The following VPS37C variants were observed in gnomAD, a reference collection of about 807,000 sequenced individuals.
The protein encoded by VPS37C is VPS37C subunit of ESCRT-I, also known as vacuolar protein sorting-associated protein 37C.
Under a neutral mutation model 16.1 loss-of-function variants are expected in VPS37C, and 9 were observed. The observed-to-expected ratio is 0.56, with a 90% confidence interval of 0.34 to 0.97. The LOEUF is 0.97. VPS37C is among the 50% of genes least tolerant of loss of function. The pLI is 0.02. For missense variants in VPS37C, 479 were observed against 472.7 expected (o/e 1.01, Z -0.12); for synonymous variants, 207 against 206.4 (o/e 1.00, Z -0.02).
intron 1 of VPS37C, among the ~76,000 whole-genome samples, chr11:61,158,087 T>C (rs1273869158): frequency 6.6e-6 from 1 of 152,224 alleles, no homozygotes; most frequent in African/African-American, 2.4e-5. Flanking sequence ...TCTCTTTTCT[T>C]TATAAATTAT....
intron 1 of VPS37C, among the ~76,000 whole-genome samples, chr11:61,159,278 C>T (rs1427125715): frequency 1.3e-5 from 2 of 152,190 alleles, no homozygotes; most frequent in Non-Finnish European, 2.9e-5. Context: ...CAGTGTTTCC[C>T]AAACTTGCCT....
At chr11:61,159,731 T>TAAA (rs1377853607) in intron 1 of VPS37C, among the ~76,000 whole-genome samples, 10 of 62,098 alleles carry the variant, frequency 1.6e-4, no homozygotes, top group South Asian at 7.6e-4. Context: ...AATAAATAAA[T>TAAA]AAATAAATAA....
rs571525328 is a variant in VPS37C, at chr11:61,131,879, C to T, written c.1009G>A (p.Gly337Arg). Residue 337 changes from glycine to arginine, a missense_variant, in exon 5 of 5, where the codon GGG becomes AGG. Physicochemically the swap from Gly to Arg is moderately radical, Grantham distance 125. Transcript: ENST00000301765. ...SVPLQPPYPPGPAPPYGFPPP... is the reference protein window; with the variant it reads ...SVPLQPPYPPRPAPPYGFPPP... ...GGGAACCCATAGGGAGGGGCGGGCC[C>T]GGGGGGATAAGGGGGCTGCAGGGGC... 18 of 812,684 alleles carry T rather than the reference C, an allele frequency of 2.2e-5. No homozygotes were observed. Among genetic ancestry groups the T allele is most frequent in the Middle Eastern group, 3.9e-4 (1 of 2,556 alleles). 50.3% of individuals were successfully genotyped at this position (812,684 alleles called of 1,614,324 possible).
chr11:61,151,123 C>T (rs968351026), intron 1 of VPS37C, among the ~76,000 whole-genome samples: 1 of 152,218 alleles, frequency 6.6e-6, no homozygotes. Context: ...ACGGCCCACG[C>T]GCCTCACTGT....
chr11:61,148,798 GCAAAAGTAGCTCACTT>G (rs878900299), intron 1 of VPS37C, among the ~76,000 whole-genome samples: 1 of 152,294 alleles, frequency 6.6e-6, no homozygotes, highest in Admixed American at 6.5e-5. Flanking sequence ...GTGCAGGGAC[GCAAAAGTAGCTCACTT>G]CACAGCCTCA....
chr11:61,158,320 G>A (rs1211646990), intron 1 of VPS37C, among the ~76,000 whole-genome samples: 3 of 152,086 alleles, frequency 2.0e-5, no homozygotes, highest in Non-Finnish European at 1.5e-5. Flanking sequence ...CTGAAAGAAC[G>A]GAAGACCAAA....
intron 1 of VPS37C, among the ~76,000 whole-genome samples, chr11:61,142,163 G>C (rs1278153343): frequency 6.6e-6 from 1 of 152,240 alleles, no homozygotes; most frequent in Non-Finnish European, 1.5e-5. Flanking sequence ...CAATGTTAAG[G>C]AGGACTCCAA....
chr11:61,143,069 C>T (rs1861501523), intron 1 of VPS37C, among the ~76,000 whole-genome samples: 1 of 151,572 alleles, frequency 6.6e-6, no homozygotes, highest in Non-Finnish European at 1.5e-5. Context: ...TCATCTAACC[C>T]CTTTGTGCCT....
rs768750144 is a variant in VPS37C at position 61,138,761 on chromosome 11, G to A, written c.69C>T (p.Asp23=). 19 of 1,614,014 alleles carry A rather than the reference G, an allele frequency of 1.2e-5. No individual in the cohort carries two copies. Among genetic ancestry groups the A allele is most frequent in the Admixed American group, 1.7e-5 (1 of 60,002 alleles). ...EELQNDSEAI[D]QLALESPEVQ... ...CCTCAGGGGACTCCAGGGCCAGCTG[G>A]TCAATCGCCTCCGAGTCATTCTGCA... Residue 23 remains aspartate (D), a synonymous_variant, in exon 2 of 5, where the codon GAC becomes GAT. Transcript: ENST00000301765.
chr11:61,152,512 A>G (rs1590793867), intron 1 of VPS37C, among the ~76,000 whole-genome samples: 1 of 151,670 alleles, frequency 6.6e-6, no homozygotes, highest in Admixed American at 6.6e-5. Context: ...CCTCTTCTAC[A>G]CCCCCCAGTA....
Position 61,132,315 on chromosome 11 carries a change from T to C in VPS37C, c.573A>G (p.Glu191=). ...PVPQGTPPVV[E]EQPQPPLAMP... ...TGGCTAATGGTGGCTGCGGCTGCTC[T>C]TCAACCACAGGGGGTGTTCCCTGGG... Residue 191 remains glutamate, a synonymous_variant, in exon 5 of 5, where the codon GAA becomes GAG. Transcript: ENST00000301765. 6.3e-7 allele frequency: 1 copy of C among 1,590,180 alleles called. No homozygotes were observed. The highest frequency in any genetic ancestry group is 8.6e-7 in the Non-Finnish European group (1 of 1,166,072).
chr11:61,131,704 G>GC lies in VPS37C; in HGVS notation c.*115dup. On this transcript the variant is annotated 3_prime_UTR_variant, in exon 5 of 5. Transcript: ENST00000301765. ...CCCTCCAAGGCCTCTGGGTGCCGAC[G>GC]CAAGTCCACAGGGAGCACCAACGCC... 8.2e-7 allele frequency: 1 copy of GC among 1,221,840 alleles called. No homozygotes were observed. Among genetic ancestry groups the GC allele is most frequent in the Non-Finnish European group, 1.0e-6 (1 of 979,030 alleles). 75.7% of individuals were successfully genotyped at this position (1,221,840 alleles called of 1,614,324 possible). A position where few individuals can be genotyped will look rare whatever the true frequency, so the allele number is the denominator to read the frequency against.
At chr11:61,138,964 CGAG>C in intron 1 of VPS37C, 129 bp from the exon 2 acceptor site, 4 of 821,628 alleles carry the variant, frequency 4.9e-6, no homozygotes, top group South Asian at 4.7e-5. Context: ...CCGGGAGGCT[CGAG>C]GAGAGGCAGA....
rs1861236578 is a variant in VPS37C at position 61,130,628 on chromosome 11, C to CAATAG, written c.*1191_*1192insCTATT. The CAATAG allele has an allele frequency of 3.4e-6, 1 of 292,182 alleles. No individual in the cohort carries two copies. Among genetic ancestry groups the CAATAG allele is most frequent in the African/African-American group, 2.4e-5 (1 of 42,456 alleles). 18.1% of individuals were successfully genotyped at this position (292,182 alleles called of 1,614,324 possible). On this transcript the variant is annotated 3_prime_UTR_variant, in exon 5 of 5. Coordinates refer to ENST00000301765, the MANE Select transcript of VPS37C (RefSeq NM_017966.5). Reference sequence around the variant, plus strand: ...CTGGAACAACCAAGTTAACACTCATCACACCCCCTTTGTCTATTGTATTCA... The same window carrying CAATAG: ...CTGGAACAACCAAGTTAACACTCATCAATAGACACCCCCTTTGTCTATTGTATTCA...
intron 1 of VPS37C, among the ~76,000 whole-genome samples, chr11:61,152,435 G>C (rs1370800343): frequency 6.6e-6 from 1 of 152,136 alleles, no homozygotes. Flanking sequence ...TGACCACACT[G>C]AGCTCTGGAC....
In VPS37C at chr11:61,132,655, C is replaced by A. The variant is rs1011242043; in HGVS notation, c.349-116G>T. 2.9e-6 allele frequency: 4 copies of A among 1,362,104 alleles called. No homozygotes were observed. The African/African-American group carries it at 5.8e-5, about 20-fold the overall frequency. 84.4% of individuals were successfully genotyped at this position (1,362,104 alleles called of 1,614,324 possible). ...CACCTCACGCCGCCTCAGGCACCCCCTCCTCTTCCCTGCCCATACGCCCCT... is the reference window on the plus strand; with the variant it reads ...CACCTCACGCCGCCTCAGGCACCCCATCCTCTTCCCTGCCCATACGCCCCT... On this transcript the variant is annotated intron_variant, in intron 4 of 4. Coordinates refer to ENST00000301765, the MANE Select transcript of VPS37C (RefSeq NM_017966.5).
intron 1 of VPS37C, among the ~76,000 whole-genome samples, chr11:61,149,820 C>A (rs746028802): frequency 6.6e-6 from 1 of 152,238 alleles, no homozygotes; most frequent in Non-Finnish European, 1.5e-5. Flanking sequence ...TCTGACCCCC[C>A]TTTGTCCAGA....
chr11:61,137,535 T>C (rs964303152), intron 2 of VPS37C, among the ~76,000 whole-genome samples: 12 of 152,220 alleles, frequency 7.9e-5, no homozygotes, highest in Non-Finnish European at 1.3e-4. Flanking sequence ...CATGGCACCA[T>C]GCTCACAGTG....
intron 1 of VPS37C, among the ~76,000 whole-genome samples, chr11:61,149,202 C>G (rs373331488): frequency 6.6e-6 from 1 of 152,168 alleles, no homozygotes; most frequent in Admixed American, 6.5e-5. Context: ...AGGAGAATGG[C>G]GTGAACCCAG....
Sources: gnomAD v4.1 joint callset for allele counts (sites outside exome capture counted in the v4.1 genomes callset) on GRCh38, gnomAD v4.1.1 for gene constraint, MANE v1.5 for transcripts, NCBI Gene and HGNC (gene_info 2026-07-23, HGNC 2026-07-21) for gene names.